The following WWOX variants were observed in gnomAD, a reference collection of about 807,000 sequenced individuals.
The protein encoded by WWOX is WW domain containing oxidoreductase.
Under a neutral mutation model 46.2 loss-of-function variants are expected in WWOX, and 69 were observed. The observed-to-expected ratio is 1.49, with a 90% CI of 1.23 to 1.82. The LOEUF (loss-of-function observed/expected upper bound fraction) is 1.82. Ranked by LOEUF, WWOX falls within the 40% of genes most tolerant of loss-of-function variation. The pLI, the probability that WWOX is intolerant of heterozygous loss-of-function variation, is 0.00. For synonymous variants in WWOX, 359 were observed against 202.6 expected, an observed-to-expected ratio of 1.77 and a Z score of -6.56; for missense variants, 919 against 542.6, an observed-to-expected ratio of 1.69 and a Z score of -6.89.
At chr16:79,121,197 C>T (rs1234104009) in intron 8 of WWOX, among the ~76,000 whole-genome samples, 1 of 152,166 alleles carries the variant, frequency 6.6e-6, no homozygotes, top group African/African-American at 2.4e-5. Context: ...GTCACAGTTA[C>T]AGGTTCCGGG....
At chr16:78,399,256 G>A (rs148287910) in intron 6 of WWOX, among the ~76,000 whole-genome samples, 97 of 152,342 alleles carry the variant, frequency 6.4e-4, no homozygotes, top group African/African-American at 2.2e-3. Flanking sequence ...CTAAGGTGCC[G>A]ATTCTCAGTG....
chr16:78,994,969 C>CTTTTTTTTTTTTTTTTTTT (rs869088414), intron 8 of WWOX, among the ~76,000 whole-genome samples: 8 of 114,644 alleles, frequency 7.0e-5, no homozygotes, highest in Admixed American at 1.0e-4. Flanking sequence ...TCTTCTTCTT[C>CTTTTTTTTTTTTTTTTTTT]TTTTTTTTTT....
chr16:78,735,122 G>A (rs1012882619), intron 8 of WWOX, among the ~76,000 whole-genome samples: 1 of 151,520 alleles, frequency 6.6e-6, no homozygotes, highest in Non-Finnish European at 1.5e-5. Context: ...CTGCCTTGAC[G>A]TCGCAAAGTG....
At chr16:78,374,527 A>ATTTTTT (rs541225697) in intron 5 of WWOX, among the ~76,000 whole-genome samples, 27 of 70,896 alleles carry the variant, frequency 3.8e-4, no homozygotes, top group East Asian at 1.6e-3. Flanking sequence ...TCTGTCTTGA[A>ATTTTTT]TTTTTTTTTT....
At position 79,057,430 on chromosome 16, in the gene WWOX, C is replaced by G. The variant is rs185471553; in HGVS notation, c.1057-154178C>G. ...AACTGTTTTTGCTAAGCATTAGTTTCTTGTGATAGGTTCAATTCTCAGGCT... is the reference window on the plus strand; with the variant it reads ...AACTGTTTTTGCTAAGCATTAGTTTGTTGTGATAGGTTCAATTCTCAGGCT... On this transcript the variant is annotated intron_variant, in intron 8 of 8. Transcript: ENST00000566780. Among the ~76,000 whole-genome samples, 425 of 152,272 alleles carry G rather than the reference C, an allele frequency of 2.8e-3. 3 individuals are homozygous for G. Among genetic ancestry groups the G allele is most frequent in the African/African-American group, 0.01 (418 of 41,554 alleles).
intron 8 of WWOX, among the ~76,000 whole-genome samples, chr16:78,924,109 G>A (rs1233893046): frequency 6.6e-6 from 1 of 152,216 alleles, no homozygotes; most frequent in Non-Finnish European, 1.5e-5. Flanking sequence ...GAGCCGCTGT[G>A]CCCGGCTGCT....
chr16:78,442,026 G>C (rs1216058739), intron 8 of WWOX, among the ~76,000 whole-genome samples: 2 of 151,328 alleles, frequency 1.3e-5, no homozygotes, highest in African/African-American at 2.4e-5. Flanking sequence ...AATCCTAACA[G>C]TTGAGGAGGC....
intron 8 of WWOX, among the ~76,000 whole-genome samples, chr16:78,748,737 T>C (rs549607988): frequency 1.3e-5 from 2 of 152,356 alleles, no homozygotes; most frequent in African/African-American, 4.8e-5. Flanking sequence ...TGCAGTTATT[T>C]TTCATGCACA....
At position 78,966,668 on chromosome 16, in the gene WWOX, A is replaced by G. The variant is rs2046368334; in HGVS notation, c.1057-244940A>G. 2.6e-5 allele frequency among the ~76,000 whole-genome samples: 4 copies of G among 152,174 alleles called. No individual in the cohort carries two copies. The South Asian group carries it at 8.3e-4, about 32-fold the overall frequency. ...AGCTATTTCTTAAGATTACATTTTC[A>G]GAAGTAAGATCACTGAGTCAAAGGG... On this transcript the variant is annotated intron_variant, in intron 8 of 8. Transcript: ENST00000566780.
chr16:78,388,969 CAA>C (rs71137896), intron 6 of WWOX, among the ~76,000 whole-genome samples: 10 of 129,240 alleles, frequency 7.7e-5, no homozygotes, highest in African/African-American at 6.3e-5. Context: ...AACTCTGTCT[CAA>C]AAAAAAAAAA....
intron 8 of WWOX, among the ~76,000 whole-genome samples, chr16:79,154,912 A>T (rs745601203): frequency 9.2e-5 from 14 of 152,228 alleles, no homozygotes; most frequent in Non-Finnish European, 1.9e-4. Context: ...GTTTTGGAAA[A>T]AATGAAAGAA....
At chr16:78,828,215 G>A (rs539130721) in intron 8 of WWOX, among the ~76,000 whole-genome samples, 7 of 152,150 alleles carry the variant, frequency 4.6e-5, no homozygotes, top group African/African-American at 1.7e-4. Context: ...TCAAGACCTG[G>A]CTTCTGCTCC....
At chr16:78,875,001 C>T (rs1169208656) in intron 8 of WWOX, among the ~76,000 whole-genome samples, 4 of 152,124 alleles carry the variant, frequency 2.6e-5, no homozygotes, top group African/African-American at 9.7e-5. Context: ...GACTTGGCCT[C>T]TTAAAGGAAT....
intron 8 of WWOX, among the ~76,000 whole-genome samples, chr16:79,169,380 C>G (rs967946388): frequency 2.0e-5 from 3 of 152,196 alleles, no homozygotes; most frequent in Non-Finnish European, 4.4e-5. Context: ...CTGCCTGTCA[C>G]GTCTTCATCT....
chr16:78,883,225 T>A (rs2044380880), intron 8 of WWOX, among the ~76,000 whole-genome samples: 1 of 152,190 alleles, frequency 6.6e-6, no homozygotes, highest in South Asian at 2.1e-4. Context: ...GCCTCCCCTC[T>A]TAAGCTTTGT....
intron 8 of WWOX, among the ~76,000 whole-genome samples, chr16:78,937,291 C>T (rs1247627398): frequency 2.0e-5 from 3 of 152,070 alleles, no homozygotes; most frequent in Non-Finnish European, 2.9e-5. Flanking sequence ...TACCCTGATT[C>T]TCCAATACAC....
At chr16:78,828,582 C>G (rs973619276) in intron 8 of WWOX, among the ~76,000 whole-genome samples, 14 of 151,790 alleles carry the variant, frequency 9.2e-5, no homozygotes, top group Admixed American at 6.6e-4. Context: ...TAAGGTCCTA[C>G]TATATACCAA....
At chr16:79,092,853 A>AT (rs2048991673) in intron 8 of WWOX, among the ~76,000 whole-genome samples, 1 of 152,174 alleles carries the variant, frequency 6.6e-6, no homozygotes, top group East Asian at 1.9e-4. Context: ...CTCAGCCCTC[A>AT]TAACCCCCCA....
chr16:78,703,483 G>C (rs2048267952), intron 8 of WWOX, among the ~76,000 whole-genome samples: 1 of 151,870 alleles, frequency 6.6e-6, no homozygotes, highest in African/African-American at 2.4e-5. Flanking sequence ...GGGGATGGTG[G>C]CTTGCACCTG....
Sources: allele counts gnomAD v4.1 joint callset (sites outside exome capture counted in the v4.1 genomes callset), GRCh38; gene constraint gnomAD v4.1.1; transcripts MANE v1.5; gene names NCBI Gene and HGNC (gene_info 2026-07-23, HGNC 2026-07-21).